The following CFAP97D2 variants were observed in gnomAD, a reference collection of about 807,000 sequenced individuals.
The protein encoded by CFAP97D2 is uncharacterized protein CFAP97D2.
At chr13:114,183,866 T>C (rs1055451099) in intron 1 of CFAP97D2, among the ~76,000 whole-genome samples, 5 of 152,200 alleles carry the variant, frequency 3.3e-5, no homozygotes, top group African/African-American at 9.7e-5. Context: ...CTGAAAAGCA[T>C]GCTGGACACA....
At position 114,222,184 on chromosome 13, in the gene CFAP97D2, T is replaced by G. The variant is rs1594524972; in HGVS notation, c.481-314T>G. On this transcript the variant is annotated intron_variant, in intron 4 of 4. Coordinates refer to ENST00000646158, the Ensembl canonical transcript of CFAP97D2. The surrounding 1 kb of genome is among the most constrained non-coding windows in gnomAD (Gnocchi z 4.4). The stretch of plus-strand genomic sequence containing the variant: ...AGAGACAAAAAGTAATCAGTGGTTG[T>G]CGGGGCTGGGGGAAGGGAAATTGGG... Among the ~76,000 whole-genome samples, 1 of 152,264 alleles carries G rather than the reference T, an allele frequency of 6.6e-6. No individual in the cohort carries two copies. Among genetic ancestry groups the G allele is most frequent in the African/African-American group, 2.4e-5 (1 of 41,580 alleles).
intron 2 of CFAP97D2, among the ~76,000 whole-genome samples, chr13:114,197,039 C>T (rs974053799): frequency 1.3e-5 from 2 of 151,968 alleles, no homozygotes; most frequent in African/African-American, 2.4e-5. Flanking sequence ...TTGTGGAGAC[C>T]GAAATTCTTA....
At chr13:114,188,956 A>T (rs2080860128) in intron 1 of CFAP97D2, among the ~76,000 whole-genome samples, 1 of 150,384 alleles carries the variant, frequency 6.6e-6, no homozygotes, top group African/African-American at 2.4e-5. Flanking sequence ...TAAAATCAAT[A>T]AGCCTGTAGC....
intron 4 of CFAP97D2, among the ~76,000 whole-genome samples, chr13:114,217,510 C>T (rs755840791): frequency 6.6e-6 from 1 of 152,188 alleles, no homozygotes; most frequent in Non-Finnish European, 1.5e-5. Flanking sequence ...TGGGAATCCT[C>T]CCTAACTCAT....
chr13:114,197,565 A>G (rs12584383), intron 2 of CFAP97D2, among the ~76,000 whole-genome samples: 1 of 152,142 alleles, frequency 6.6e-6, no homozygotes. Context: ...ATGACCCATC[A>G]TGTCTTGGGG....
chr13:114,206,747 C>T (rs184963030), intron 3 of CFAP97D2, among the ~76,000 whole-genome samples: 2 of 152,142 alleles, frequency 1.3e-5, no homozygotes, highest in Non-Finnish European at 2.9e-5. Flanking sequence ...GGACTGTGGG[C>T]GTCTCCCCAT....
intron 4 of CFAP97D2, among the ~76,000 whole-genome samples, chr13:114,213,799 C>T (rs147614175): frequency 0.031 from 4,288 of 136,414 alleles, 205 homozygotes; most frequent in African/African-American, 0.068. Flanking sequence ...GGACAAGCTC[C>T]AGGACCACAG....
chr13:114,200,713 C>T (rs540158849), intron 3 of CFAP97D2, among the ~76,000 whole-genome samples: 1 of 152,354 alleles, frequency 6.6e-6, no homozygotes, highest in South Asian at 2.1e-4. Context: ...CTCCTCTGAA[C>T]CTGCTAAGCG....
chr13:114,193,902 G>A (rs2080877436), intron 1 of CFAP97D2, among the ~76,000 whole-genome samples: 1 of 152,162 alleles, frequency 6.6e-6, no homozygotes, highest in African/African-American at 2.4e-5. Context: ...AGAGTGCTGG[G>A]ATTACAGGTG....
chr13:114,215,137 C>T (rs992658650), intron 4 of CFAP97D2, among the ~76,000 whole-genome samples: 1 of 152,152 alleles, frequency 6.6e-6, no homozygotes, highest in African/African-American at 2.4e-5. Context: ...TAGCAATTTT[C>T]ACCTCTGCTT....
At chr13:114,206,303 A>T (rs1388277110) in intron 3 of CFAP97D2, among the ~76,000 whole-genome samples, 1 of 152,076 alleles carries the variant, frequency 6.6e-6, no homozygotes, top group African/African-American at 2.4e-5. Context: ...GGGTTTCGCC[A>T]TGTTGGCCAG....
intron 4 of CFAP97D2, chr13:114,212,186 C>T: frequency 2.5e-6 from 1 of 397,866 alleles, no homozygotes; most frequent in Non-Finnish European, 4.4e-6. Context: ...GAATTATGTA[C>T]TCACTCATTC....
chr13:114,200,961 G>A (rs968418666), intron 3 of CFAP97D2, among the ~76,000 whole-genome samples: 3 of 152,190 alleles, frequency 2.0e-5, no homozygotes, highest in African/African-American at 7.2e-5. Flanking sequence ...GCATCTTTCT[G>A]GAAAAAACAC....
chr13:114,195,383 TCTC>T (rs1453278194), intron 1 of CFAP97D2, among the ~76,000 whole-genome samples: 3 of 152,136 alleles, frequency 2.0e-5, no homozygotes, highest in African/African-American at 7.2e-5. Context: ...CGCTGCATCT[TCTC>T]CACCCTCTGT....
chr13:114,181,837 C>G (rs1379947322), intron 1 of CFAP97D2, among the ~76,000 whole-genome samples: 1 of 152,142 alleles, frequency 6.6e-6, no homozygotes, highest in African/African-American at 2.4e-5. Context: ...CCAGCCTTCC[C>G]CCTCAGAGCC....
intron 1 of CFAP97D2, among the ~76,000 whole-genome samples, chr13:114,191,217 G>C (rs1470723664): frequency 3.3e-5 from 5 of 151,926 alleles, no homozygotes; most frequent in Non-Finnish European, 5.9e-5. Flanking sequence ...GCAAGAAATA[G>C]GTTTTTAGAC....
rs1216771103 is a variant in CFAP97D2, at chr13:114,186,617, T to TGACTCC, written c.90+7198_90+7203dup. ...CTGGGAGCTCCCTGAGCCAGGGCTG[T>TGACTCC]GACTCCCACTTTGGGGCCCTGCAGT... On this transcript the variant is annotated intron_variant, in intron 1 of 4. Coordinates refer to ENST00000646158, the Ensembl canonical transcript of CFAP97D2. This position sits in a 1 kb window ranked among gnomAD's most constrained non-coding sequence, Gnocchi z 4.3. 1.3e-5 allele frequency among the ~76,000 whole-genome samples: 2 copies of TGACTCC among 152,236 alleles called. No individual in the cohort carries two copies. The highest frequency in any genetic ancestry group is 2.9e-5 in the Non-Finnish European group (2 of 68,040).
intron 1 of CFAP97D2, among the ~76,000 whole-genome samples, chr13:114,195,648 T>C (rs1308806769): frequency 6.6e-6 from 1 of 152,234 alleles, no homozygotes; most frequent in Non-Finnish European, 1.5e-5. Flanking sequence ...TTCCCTTATT[T>C]GTACCTTTTC....
chr13:114,209,618 CGCTCATTCTGT>C (rs775975740), intron 3 of CFAP97D2, among the ~76,000 whole-genome samples: 119 of 152,330 alleles, frequency 7.8e-4, no homozygotes, highest in Middle Eastern at 3.4e-3. Flanking sequence ...ACCAGTGTGG[CGCTCATTCTGT>C]GCTCGTTCTG....
Sources: allele counts gnomAD v4.1 joint callset (sites outside exome capture counted in the v4.1 genomes callset), GRCh38; gene constraint gnomAD v4.1.1; non-coding constraint Gnocchi (gnomAD v3.1); transcripts MANE v1.5; gene names NCBI Gene and HGNC (gene_info 2026-07-23, HGNC 2026-07-21).